Variants in DSCAM observed in about 807,000 individuals in gnomAD.
DSCAM encodes DS cell adhesion molecule.
DSCAM carries 47 observed loss-of-function variants against 217.7 expected under a neutral mutation model. The observed-to-expected ratio is 0.22, with a 90% CI of 0.17 to 0.28. The LOEUF (loss-of-function observed/expected upper bound fraction) is 0.28. DSCAM is among the 10% of genes least tolerant of loss of function. The pLI, the probability that DSCAM is intolerant of heterozygous loss-of-function variation, is 1.00. For synonymous variants in DSCAM, 1,056 were observed against 1,015.3 expected, an observed-to-expected ratio of 1.04 and a Z score of -0.76; for missense variants, 2,080 against 2,618.3, an observed-to-expected ratio of 0.79 and a Z score of 4.49.
intron 20 of DSCAM, among the ~76,000 whole-genome samples, chr21:40,099,071 A>C (rs757812579): frequency 2.0e-5 from 3 of 152,230 alleles, no homozygotes; most frequent in Non-Finnish European, 4.4e-5. Flanking sequence ...TGATGTGCAA[A>C]TTCTAACAAT....
intron 3 of DSCAM, among the ~76,000 whole-genome samples, chr21:40,506,307 A>G (rs1404777786): frequency 6.6e-6 from 1 of 152,208 alleles, no homozygotes; most frequent in Non-Finnish European, 1.5e-5. Flanking sequence ...AAAATCTTCA[A>G]TTTGAAAGGT....
At chr21:40,654,088 C>T (rs1181667277) in intron 3 of DSCAM, among the ~76,000 whole-genome samples, 2 of 130,552 alleles carry the variant, frequency 1.5e-5, no homozygotes, top group African/African-American at 6.7e-5. Context: ...GATTGAGATT[C>T]CATCTCAAAA....
chr21:40,452,203 A>G (rs2075725486), intron 3 of DSCAM, among the ~76,000 whole-genome samples: 1 of 150,960 alleles, frequency 6.6e-6, no homozygotes, highest in African/African-American at 2.4e-5. Context: ...TATAATATCT[A>G]TAATAGTATA....
chr21:40,044,441 T>C (rs2088810554), intron 30 of DSCAM, among the ~76,000 whole-genome samples, 166 bp from the exon 31 acceptor site: 1 of 152,210 alleles, frequency 6.6e-6, no homozygotes, highest in Admixed American at 6.5e-5. Flanking sequence ...CTTTCCTTTA[T>C]GGCTTGAAAC....
chr21:40,829,221 G>C (rs2091993649), intron 1 of DSCAM, among the ~76,000 whole-genome samples: 1 of 152,224 alleles, frequency 6.6e-6, no homozygotes, highest in South Asian at 2.1e-4. Context: ...GCAGGGAATA[G>C]TCCAAGTATT....
chr21:40,463,479 C>T (rs756394659), intron 3 of DSCAM, among the ~76,000 whole-genome samples: 4 of 152,102 alleles, frequency 2.6e-5, no homozygotes, highest in Non-Finnish European at 5.9e-5. Context: ...CCAGTGTGTT[C>T]TCTGAAATTC....
At chr21:40,258,296 G>A (rs1436043016) in intron 11 of DSCAM, among the ~76,000 whole-genome samples, 2 of 152,134 alleles carry the variant, frequency 1.3e-5, no homozygotes, top group Non-Finnish European at 2.9e-5. Flanking sequence ...GCAAACACTG[G>A]TTGAGAACCT....
chr21:40,597,547 C>T (rs1397160431), intron 3 of DSCAM, among the ~76,000 whole-genome samples: 1 of 138,370 alleles, frequency 7.2e-6, no homozygotes, highest in Admixed American at 7.9e-5. Flanking sequence ...TACTCTGCCT[C>T]CCAGCCTGGA....
At chr21:40,821,029 T>G (rs913168260) in intron 1 of DSCAM, among the ~76,000 whole-genome samples, 21 of 150,278 alleles carry the variant, frequency 1.4e-4, no homozygotes, top group African/African-American at 4.4e-4. Flanking sequence ...TTCGCAGATA[T>G]ATATATATCT....
At chr21:40,786,799 T>C (rs974369817) in intron 1 of DSCAM, among the ~76,000 whole-genome samples, 4 of 152,238 alleles carry the variant, frequency 2.6e-5, no homozygotes, top group African/African-American at 9.6e-5. Flanking sequence ...GTTTAGTTAC[T>C]ATAGGCTACC....
chr21:40,577,649 G>C (rs111974369), intron 3 of DSCAM, among the ~76,000 whole-genome samples: 34 of 152,272 alleles, frequency 2.2e-4, no homozygotes, highest in African/African-American at 7.5e-4. Context: ...AAATTCTCTC[G>C]GCCCTGAAGA....
At chr21:40,112,431 AT>A (rs2089911206) in intron 20 of DSCAM, among the ~76,000 whole-genome samples, 1 of 152,168 alleles carries the variant, frequency 6.6e-6, no homozygotes, top group Admixed American at 6.5e-5. Context: ...GTAGAAGGAA[AT>A]TTATAGCACT....
At chr21:40,628,749 C>CT (rs113214219) in intron 3 of DSCAM, among the ~76,000 whole-genome samples, 36 of 98,144 alleles carry the variant, frequency 3.7e-4, no homozygotes, top group African/African-American at 9.8e-4. Context: ...ATCTATCTAT[C>CT]TTTTCTTGTG....
intron 3 of DSCAM, among the ~76,000 whole-genome samples, chr21:40,508,765 ATATATATATATATATATATTTTTTT>A (rs2076233318): frequency 5.7e-4 from 2 of 3,506 alleles, no homozygotes; most frequent in African/African-American, 2.0e-3. Context: ...ATATATATAT[ATATATATATATATATATATTTTTTT>A]TTTTTTTTTT....
chr21:40,143,298 G>A (rs756473050), intron 17 of DSCAM, among the ~76,000 whole-genome samples: 38 of 152,198 alleles, frequency 2.5e-4, no homozygotes, highest in Non-Finnish European at 4.0e-4. Flanking sequence ...AAATGTTGGC[G>A]CTGGGGCGGT....
chr21:40,768,834 G>A (rs891148456), intron 1 of DSCAM, among the ~76,000 whole-genome samples: 1 of 152,248 alleles, frequency 6.6e-6, no homozygotes, highest in African/African-American at 2.4e-5. Flanking sequence ...ACCAGACCTC[G>A]GATATAGCAT....
intron 8 of DSCAM, among the ~76,000 whole-genome samples, chr21:40,329,301 T>C (rs2074350171): frequency 6.6e-6 from 1 of 152,152 alleles, no homozygotes; most frequent in South Asian, 2.1e-4. Flanking sequence ...TTAAAAAATA[T>C]ATGGTATACA....
chr21:40,323,879 G>T (rs950556092), intron 8 of DSCAM, among the ~76,000 whole-genome samples: 8 of 151,864 alleles, frequency 5.3e-5, no homozygotes, highest in African/African-American at 1.9e-4. Flanking sequence ...TGAGGTGGGC[G>T]GATCATCTGA....
chr21:40,494,140 G>A (rs949933239), intron 3 of DSCAM, among the ~76,000 whole-genome samples: 1 of 151,770 alleles, frequency 6.6e-6, no homozygotes, highest in African/African-American at 2.4e-5. Flanking sequence ...AGAAACAAAG[G>A]ATCTACAAAA....
Sources: allele counts gnomAD v4.1 joint callset (sites outside exome capture counted in the v4.1 genomes callset), GRCh38; gene constraint gnomAD v4.1.1; transcripts MANE v1.5; gene names NCBI Gene and HGNC (gene_info 2026-07-23, HGNC 2026-07-21).